Variants in STRADA observed in about 807,000 individuals in gnomAD.
STRADA encodes the protein STE20 related adaptor alpha.
In STRADA, 26 loss-of-function variants were observed where a neutral mutation model predicts 55.0. That is an observed-to-expected ratio of 0.47 (90% CI 0.35 to 0.66). The LOEUF is 0.66. STRADA is among the 30% of genes least tolerant of loss of function. The pLI, the probability that STRADA is intolerant of heterozygous loss-of-function variation, is 0.01. For synonymous variants in STRADA, 197 were observed against 210.9 expected (o/e 0.93, Z 0.57); for missense variants, 443 against 549.7 (o/e 0.81, Z 1.94).
chr17:63,721,579 T>A (rs1215930105), intron 4 of STRADA, among the ~76,000 whole-genome samples: 1 of 151,360 alleles, frequency 6.6e-6, no homozygotes, highest in Non-Finnish European at 1.5e-5. Flanking sequence ...CTGGGTGTGA[T>A]GGCACAGGCC....
At chr17:63,704,861 C>T (rs1474267042) in intron 10 of STRADA, 4 of 1,536,044 alleles carry the variant, frequency 2.6e-6, no homozygotes, top group Middle Eastern at 1.7e-4. Flanking sequence ...ACAGTTTCCG[C>T]TCTCCCTTTC....
At chr17:63,704,617 GGGT>G in intron 10 of STRADA, 35 bp from the exon 11 acceptor site, 6 of 1,289,986 alleles carry the variant, frequency 4.7e-6, no homozygotes, top group South Asian at 1.4e-5. Flanking sequence ...GGGCTGTAGC[GGGT>G]GGGGGGGGGG....
intron 10 of STRADA, chr17:63,704,828 G>A (rs1598149963): frequency 3.9e-6 from 6 of 1,535,540 alleles, no homozygotes; most frequent in East Asian, 2.4e-5. Flanking sequence ...ACCCGCTTTC[G>A]CCATGGCTGG....
chr17:63,734,076 A>G (rs1229573614), intron 1 of STRADA, among the ~76,000 whole-genome samples: 1 of 152,220 alleles, frequency 6.6e-6, no homozygotes, highest in Non-Finnish European at 1.5e-5. Flanking sequence ...TGTTCTTGGG[A>G]ACCTCCAATA....
chr17:63,738,455 AAGG>A (rs2038617022), intron 1 of STRADA, among the ~76,000 whole-genome samples: 1 of 152,092 alleles, frequency 6.6e-6, no homozygotes, highest in South Asian at 2.1e-4. Flanking sequence ...TTGGAAAAAT[AAGG>A]AGAAGCTTCA....
intron 4 of STRADA, among the ~76,000 whole-genome samples, chr17:63,721,125 G>C (rs1174371696): frequency 6.6e-6 from 1 of 151,928 alleles, no homozygotes; most frequent in East Asian, 1.9e-4. Flanking sequence ...TGTAATCCCA[G>C]CACTTTGGAA....
chr17:63,703,748 TG>T lies in STRADA; in HGVS notation c.1146del (p.Lys383SerfsTer36), dbSNP rs761989653. The T allele has an allele frequency of 3.1e-6, 5 of 1,613,980 alleles. No individual in the cohort carries two copies. Among genetic ancestry groups the T allele is most frequent in the Non-Finnish European group, 4.2e-6 (5 of 1,179,918 alleles). On this transcript the variant is annotated frameshift_variant and splice_region_variant, in exon 13 of 13. Coordinates refer to ENST00000336174, the MANE Select transcript of STRADA (RefSeq NM_001003787.4). LOFTEE classifies it high-confidence loss of function. ...GGCAAAGCCTCTGAGGCACGTCGCT[TG>T]ATCTGGGGGAGAAGAGAGAGGTGGG... is the stretch of plus-strand genomic sequence containing the variant. ...TLLNHSFFKQ[I>X]KRRASEALPE...
Position 63,735,156 on chromosome 17 carries a change from C to CA in STRADA, c.-45+6584dup, listed in dbSNP as rs529384161. 3.1e-3 allele frequency among the ~76,000 whole-genome samples: 470 copies of CA among 151,526 alleles called. 16 individuals are homozygous for CA. The South Asian group carries it at 0.075, about 24-fold the overall frequency. ...TGGGTGACAGAGCGAGACTCTGTCT[C>CA]AAAAAAAAGAGTGAGCTAATTTCAC... On this transcript the variant is annotated intron_variant, in intron 1 of 12. Transcript: ENST00000336174.
In STRADA at chr17:63,704,622, G is replaced by GA. The variant is rs201054944; in HGVS notation, c.859-41_859-40insT. The stretch of plus-strand genomic sequence containing the variant: ...ACCAGGACCTGGGCTGTAGCGGGTG[G>GA]GGGGGGGGGGTGGTCCCTGGAAGGC... On this transcript the variant is annotated intron_variant, in intron 10 of 12. Transcript: ENST00000336174. The GA allele has an allele frequency of 5.1e-6, 4 of 786,512 alleles. No homozygotes were observed. The African/African-American group carries it at 1.1e-4, about 21-fold the overall frequency. The allele number at this position is 786,512 out of a possible 1,614,324, so 48.7% of individuals were successfully genotyped here. A position where few individuals can be genotyped will look rare whatever the true frequency, so the allele number is the denominator to read the frequency against.
intron 4 of STRADA, among the ~76,000 whole-genome samples, chr17:63,718,410 T>C (rs777181397): frequency 6.6e-6 from 1 of 152,224 alleles, no homozygotes; most frequent in African/African-American, 2.4e-5. Context: ...CGGTTTAGAA[T>C]TCACAACGCT....
At position 63,706,647 on chromosome 17, in the gene STRADA, C is replaced by T. The variant is rs1348067792; in HGVS notation, c.846G>A (p.Met282Ile). ...GCGGCAGGCTTACCTGGGTGGCAGGCATATCCTTAAAGGGGACATGGCCGT... is the reference window on the plus strand; with the variant it reads ...GCGGCAGGCTTACCTGGGTGGCAGGTATATCCTTAAAGGGGACATGGCCGT... Reference protein sequence around the residue: ...LANGHVPFKDMPATQMLLEKL... With the variant: ...LANGHVPFKDIPATQMLLEKL... Residue 282 changes from methionine (M) to isoleucine (I), a missense_variant, in exon 10 of 13, where the codon ATG (methionine) becomes ATA (isoleucine). By Grantham distance (10) the Met-to-Ile change is conservative (BLOSUM62 1). Transcript: ENST00000336174. The T allele has an allele frequency of 6.2e-7, 1 of 1,613,010 alleles. No homozygotes were observed. Among genetic ancestry groups the T allele is most frequent in the Non-Finnish European group, 8.5e-7 (1 of 1,179,280 alleles).
chr17:63,710,646 AG>A, intron 7 of STRADA, 32 bp from the exon 8 acceptor site: 1 of 1,614,076 alleles, frequency 6.2e-7, no homozygotes, highest in Non-Finnish European at 8.5e-7. Context: ...AGGCAGTGAA[AG>A]GTAATGGAGG....
chr17:63,732,886 A>T (rs1221190859), intron 1 of STRADA, among the ~76,000 whole-genome samples: 3 of 151,788 alleles, frequency 2.0e-5, no homozygotes, highest in Non-Finnish European at 4.4e-5. Flanking sequence ...CCAGCCTAAA[A>T]ACCATTTTCT....
rs1598236423 is a variant in STRADA at position 63,726,567 on chromosome 17, T to C, written c.94+71A>G. The C allele has an allele frequency of 2.1e-5, 31 of 1,478,644 alleles. No individual in the cohort carries two copies. The East Asian group carries it at 2.8e-4, about 13-fold the overall frequency. The allele number at this position is 1,478,644 out of a possible 1,614,324, so 91.6% of individuals were successfully genotyped here. On this transcript the variant is annotated intron_variant, in intron 3 of 12. Coordinates refer to ENST00000336174, the MANE Select transcript of STRADA (RefSeq NM_001003787.4). Reference sequence around the variant, plus strand: ...CCTTAGAATTGCCAATTGCTATAGATTGATTTAGTCAACAAAAAAGTAGTG... The same window carrying C: ...CCTTAGAATTGCCAATTGCTATAGACTGATTTAGTCAACAAAAAAGTAGTG...
intron 4 of STRADA, 79 bp from the exon 5 acceptor site, chr17:63,714,187 C>T (rs993473899): frequency 2.9e-6 from 3 of 1,042,500 alleles, no homozygotes; most frequent in South Asian, 1.3e-5. Context: ...GTAATTCAGA[C>T]CCACGAGGAG....
chr17:63,730,515 C>T (rs1421352332), intron 1 of STRADA, among the ~76,000 whole-genome samples: 1 of 151,946 alleles, frequency 6.6e-6, no homozygotes, highest in Non-Finnish European at 1.5e-5. Context: ...CCCACCTCAG[C>T]CTCCTGAGTA....
chr17:63,704,456 T>G lies in STRADA; in HGVS notation c.985A>C (p.Thr329Pro). 3 of 1,612,926 alleles carry G rather than the reference T, an allele frequency of 1.9e-6. No homozygotes were observed. The highest frequency in any genetic ancestry group is 2.5e-6 in the Non-Finnish European group (3 of 1,179,822). Reference sequence around the variant, plus strand: ...CCGTTGGAGGGCCGGGGGGTGCTGGTGGTCAGGCTGTCACTCAGGCCAGAG... The same window carrying G: ...CCGTTGGAGGGCCGGGGGGTGCTGGGGGTCAGGCTGTCACTCAGGCCAGAG... ...ANSGLSDSLT[T>P]STPRPSNGDS... Residue 329 changes from threonine (T) to proline (P), a missense_variant, in exon 11 of 13, where the codon ACC becomes CCC. Coordinates refer to ENST00000336174, the MANE Select transcript of STRADA (RefSeq NM_001003787.4).
intron 1 of STRADA, among the ~76,000 whole-genome samples, chr17:63,730,946 C>G (rs1198168239): frequency 1.3e-5 from 2 of 150,848 alleles, no homozygotes; most frequent in African/African-American, 4.9e-5. Context: ...CTGGCCCTAC[C>G]CTGATATTCT....
chr17:63,723,673 T>C (rs1427592660), intron 3 of STRADA: 2 of 206,044 alleles, frequency 9.7e-6, no homozygotes, highest in Non-Finnish European at 1.9e-5. Context: ...GTTCCTTATA[T>C]TTTGTGAATA....
Sources: gnomAD v4.1 joint callset for allele counts (sites outside exome capture counted in the v4.1 genomes callset) on GRCh38, gnomAD v4.1.1 for gene constraint, MANE v1.5 for transcripts, NCBI Gene and HGNC (gene_info 2026-07-23, HGNC 2026-07-21) for gene names.